The following LOXHD1 variants were observed in gnomAD, a reference collection of about 807,000 sequenced individuals.
The protein encoded by LOXHD1 is lipoxygenase homology PLAT domains 1.
In LOXHD1, 205 loss-of-function variants were observed where a neutral mutation model predicts 248.2. The observed-to-expected ratio is 0.83, with a 90% CI of 0.74 to 0.93. LOXHD1 has a LOEUF of 0.93. Ranked by LOEUF, LOXHD1 falls within the 40% of genes least tolerant of loss-of-function variation. The pLI, the probability that LOXHD1 is intolerant of heterozygous loss-of-function variation, is 0.00. For synonymous variants in LOXHD1, 1,113 were observed against 1,162.8 expected (o/e 0.96, Z 0.87); for missense variants, 2,930 against 2,971.6 (o/e 0.99, Z 0.33).
intron 5 of LOXHD1, among the ~76,000 whole-genome samples, chr18:46,615,656 G>A (rs530377664): frequency 6.6e-6 from 1 of 152,174 alleles, no homozygotes; most frequent in South Asian, 2.1e-4. Flanking sequence ...ATAAGAATGT[G>A]TATTCTCTAC....
chr18:46,634,095 T>C (rs1331458867), intron 4 of LOXHD1, among the ~76,000 whole-genome samples: 1 of 152,172 alleles, frequency 6.6e-6, no homozygotes, highest in Non-Finnish European at 1.5e-5. Flanking sequence ...CCCAAAAGAA[T>C]TGAAAACAGG....
intron 4 of LOXHD1, among the ~76,000 whole-genome samples, chr18:46,620,354 G>A (rs1041702468): frequency 6.6e-6 from 1 of 152,234 alleles, no homozygotes; most frequent in Non-Finnish European, 1.5e-5. Flanking sequence ...GCCAGGGAGG[G>A]TGGTGGCCGG....
intron 4 of LOXHD1, among the ~76,000 whole-genome samples, chr18:46,637,142 G>A (rs9952660): frequency 0.067 from 9,840 of 146,512 alleles, 1,040 homozygotes; most frequent in African/African-American, 0.22. Flanking sequence ...GGGAAACTCC[G>A]CCTCAAAACA....
chr18:46,499,808 C>T (rs1054151350), intron 37 of LOXHD1, among the ~76,000 whole-genome samples: 12 of 152,172 alleles, frequency 7.9e-5, no homozygotes, highest in South Asian at 2.1e-4. Flanking sequence ...GGCTGTACAA[C>T]GACATTTTTA....
chr18:46,513,854 G>T (rs538849562), intron 34 of LOXHD1, among the ~76,000 whole-genome samples: 28 of 152,342 alleles, frequency 1.8e-4, no homozygotes, highest in African/African-American at 6.7e-4. Flanking sequence ...CCAGAAAGCA[G>T]GTAGACAAGG....
intron 25 of LOXHD1, among the ~76,000 whole-genome samples, chr18:46,538,823 T>A (rs1598949702): frequency 6.6e-6 from 1 of 152,170 alleles, no homozygotes; most frequent in Non-Finnish European, 1.5e-5. Context: ...TCTACGGTAG[T>A]GAGCATTCTT....
rs759624558 is a variant in LOXHD1 at position 46,618,181 on chromosome 18, A to C, written c.610+11T>G. 3 of 1,543,566 alleles carry C rather than the reference A, an allele frequency of 1.9e-6. No individual in the cohort carries two copies. In the South Asian group the frequency reaches 3.6e-5, roughly 19 times the overall value. Reference sequence around the variant, plus strand: ...GCTTGGCTTATGAAAAAAATAATTCAAACCCATTACCTGTGTCTCCATACT... The same window carrying C: ...GCTTGGCTTATGAAAAAAATAATTCCAACCCATTACCTGTGTCTCCATACT... On this transcript the variant is annotated intron_variant, in intron 5 of 40. Coordinates refer to ENST00000642948, the MANE Select transcript of LOXHD1 (RefSeq NM_001384474.1).
chr18:46,510,606 G>A (rs993840377), intron 34 of LOXHD1, among the ~76,000 whole-genome samples: 3 of 152,168 alleles, frequency 2.0e-5, no homozygotes, highest in Non-Finnish European at 4.4e-5. Flanking sequence ...GGTGGCACTG[G>A]AGATGTGGCT....
intron 28 of LOXHD1, among the ~76,000 whole-genome samples, chr18:46,529,998 G>T (rs760892385): frequency 1.1e-4 from 16 of 152,054 alleles, no homozygotes; most frequent in Non-Finnish European, 1.6e-4. Flanking sequence ...AAAACGCATG[G>T]TATCTTGTTT....
intron 22 of LOXHD1, among the ~76,000 whole-genome samples, chr18:46,545,627 CTTTTTTTTT>C (rs56323729): frequency 1.1e-5 from 1 of 92,234 alleles, no homozygotes; most frequent in Non-Finnish European, 2.0e-5. Flanking sequence ...TTGGCCATTT[CTTTTTTTTT>C]TTTTTTTTTT....
At chr18:46,495,749 GGA>G (rs2033822439) in intron 37 of LOXHD1, among the ~76,000 whole-genome samples, 1 of 152,126 alleles carries the variant, frequency 6.6e-6, no homozygotes, top group Non-Finnish European at 1.5e-5. Context: ...GCCATGGAGT[GGA>G]AATTGAACAA....
At chr18:46,490,223 G>A (rs1383952618) in intron 37 of LOXHD1, among the ~76,000 whole-genome samples, 1 of 152,148 alleles carries the variant, frequency 6.6e-6, no homozygotes, top group Non-Finnish European at 1.5e-5. Flanking sequence ...ATGTCCGCAA[G>A]GAAACTCCAA....
chr18:46,557,570 A>G lies in LOXHD1; in HGVS notation c.3217-81T>C, dbSNP rs959652400. ...CATCAGCCCCATCCTCCCAAGAACC[A>G]GGGCAGCCAGCCAGAGGCCAATGGT... On this transcript the variant is annotated intron_variant, in intron 20 of 40. Transcript: ENST00000642948. 4 of 1,519,840 alleles carry G rather than the reference A, an allele frequency of 2.6e-6. No individual in the cohort carries two copies. In the African/African-American group the frequency reaches 4.1e-5, roughly 16 times the overall value. The allele number at this position is 1,519,840 out of a possible 1,614,324, so 94.1% of individuals were successfully genotyped here.
chr18:46,642,311 A>G (rs558138129), intron 2 of LOXHD1, among the ~76,000 whole-genome samples: 5 of 152,292 alleles, frequency 3.3e-5, no homozygotes, highest in African/African-American at 1.2e-4. Context: ...CCCATTTTAC[A>G]AACTGCTAGT....
At chr18:46,523,625 G>A (rs796541749) in intron 31 of LOXHD1, among the ~76,000 whole-genome samples, 25 of 152,218 alleles carry the variant, frequency 1.6e-4, no homozygotes, top group African/African-American at 6.0e-4. Flanking sequence ...CACTACCCTG[G>A]CATAGTGGAT....
chr18:46,479,427 G>C (rs1426369523), intron 40 of LOXHD1, among the ~76,000 whole-genome samples: 1 of 151,928 alleles, frequency 6.6e-6, no homozygotes, highest in Admixed American at 6.6e-5. Context: ...TAATGACAGT[G>C]GGTTCAGGAA....
chr18:46,497,082 A>G (rs535664140), intron 37 of LOXHD1, among the ~76,000 whole-genome samples: 3 of 152,228 alleles, frequency 2.0e-5, no homozygotes, highest in Non-Finnish European at 4.4e-5. Flanking sequence ...CAGTGATATT[A>G]TCCTGGTTTC....
intron 21 of LOXHD1, among the ~76,000 whole-genome samples, chr18:46,554,769 C>A (rs911637194): frequency 4.6e-5 from 7 of 152,046 alleles, no homozygotes; most frequent in Non-Finnish European, 1.0e-4. Context: ...ATATAATATA[C>A]CTGGGCATAA....
At chr18:46,557,598 G>A (rs571482) in intron 20 of LOXHD1, 109 bp from the exon 21 acceptor site, 2 of 1,307,230 alleles carry the variant, frequency 1.5e-6, no homozygotes, top group Non-Finnish European at 1.1e-6. Flanking sequence ...CCAATGGTGA[G>A]ACCCAAAGCA....
Sources: gnomAD v4.1 joint callset for allele counts (sites outside exome capture counted in the v4.1 genomes callset) on GRCh38, gnomAD v4.1.1 for gene constraint, MANE v1.5 for transcripts, NCBI Gene and HGNC (gene_info 2026-07-23, HGNC 2026-07-21) for gene names.